The following METTL16 variants were observed in gnomAD, a reference collection of about 807,000 sequenced individuals.
METTL16 encodes the protein methyltransferase 16, RNA N6-adenosine, also known as RNA N(6)-adenosine-methyltransferase METTL16.
A neutral mutation model predicts 57.9 loss-of-function variants in METTL16; 19 were observed. The ratio of observed to expected loss-of-function variants is 0.33; its 90% CI spans 0.23 to 0.48. The LOEUF is 0.48. Ranked by LOEUF, METTL16 falls within the 20% of genes least tolerant of loss-of-function variation. The pLI is 0.99. For synonymous variants in METTL16, 246 were observed against 255.6 expected (o/e 0.96, Z 0.36); for missense variants, 434 against 691.5 (o/e 0.63, Z 4.18).
intron 8 of METTL16, among the ~76,000 whole-genome samples, chr17:2,423,995 T>C (rs186429533): frequency 6.0e-4 from 91 of 152,336 alleles, no homozygotes; most frequent in African/African-American, 2.0e-3. Context: ...CTCTCAAATA[T>C]GGCTCCTTCA....
At chr17:2,485,272 A>G (rs972322221) in intron 2 of METTL16, among the ~76,000 whole-genome samples, 1 of 152,160 alleles carries the variant, frequency 6.6e-6, no homozygotes, top group South Asian at 2.1e-4. Flanking sequence ...TCACCCCCAT[A>G]TGGGACCGTC....
chr17:2,463,763 A>C (rs2151563230), intron 6 of METTL16, among the ~76,000 whole-genome samples: 1 of 151,906 alleles, frequency 6.6e-6, no homozygotes, highest in East Asian at 1.9e-4. Flanking sequence ...CCCAGCCTGC[A>C]ATCTTTATCT....
intron 6 of METTL16, among the ~76,000 whole-genome samples, chr17:2,447,309 G>T (rs1010455230): frequency 5.6e-5 from 8 of 141,980 alleles, no homozygotes; most frequent in Middle Eastern, 3.6e-3. Context: ...CTGCCCGGCC[G>T]CCCCGTCTGA....
intron 1 of METTL16, among the ~76,000 whole-genome samples, chr17:2,507,548 G>A (rs1209310917): frequency 2.0e-5 from 3 of 151,432 alleles, no homozygotes; most frequent in Non-Finnish European, 4.4e-5. Context: ...TCCGGGAGGT[G>A]AGGGGCGCCT....
At chr17:2,487,690 A>C (rs1263207709) in intron 2 of METTL16, among the ~76,000 whole-genome samples, 4 of 152,072 alleles carry the variant, frequency 2.6e-5, no homozygotes, top group Admixed American at 2.6e-4. Context: ...AGAGTTAGAA[A>C]CCACTGTGGA....
In METTL16 at chr17:2,500,892, G is replaced by A. The variant is rs111539253; in HGVS notation, c.128+1312C>T. Among the ~76,000 whole-genome samples, 904 of 152,156 alleles carry A rather than the reference G, an allele frequency of 5.9e-3. 6 individuals are homozygous for A. Among genetic ancestry groups the A allele is most frequent in the African/African-American group, 0.02 (851 of 41,514 alleles). ...AGCACTTTGGGAAGCCAAGGCGGGCGGATCACCTGAGGCCAGGAGTTCAAG... is the reference window on the plus strand; with the variant it reads ...AGCACTTTGGGAAGCCAAGGCGGGCAGATCACCTGAGGCCAGGAGTTCAAG... On this transcript the variant is annotated intron_variant, in intron 2 of 9. Coordinates refer to ENST00000263092, the MANE Select transcript of METTL16 (RefSeq NM_024086.4).
At chr17:2,442,953 A>T (rs1421166590) in intron 6 of METTL16, among the ~76,000 whole-genome samples, 5 of 147,214 alleles carry the variant, frequency 3.4e-5, no homozygotes, top group Non-Finnish European at 6.0e-5. Context: ...TCAGCCTCGC[A>T]AGTAGCTGGG....
intron 2 of METTL16, among the ~76,000 whole-genome samples, chr17:2,497,757 T>C (rs113586893): frequency 0.028 from 4,184 of 151,520 alleles, 209 homozygotes; most frequent in African/African-American, 0.07. Flanking sequence ...AACAAGGTCT[T>C]GCTCTGTTGC....
At chr17:2,483,584 A>G (rs1040876042) in intron 2 of METTL16, among the ~76,000 whole-genome samples, 1 of 152,224 alleles carries the variant, frequency 6.6e-6, no homozygotes, top group Non-Finnish European at 1.5e-5. Context: ...GGGTTAATCC[A>G]GGGGCAACAA....
At chr17:2,448,747 A>T (rs1249162031) in intron 6 of METTL16, among the ~76,000 whole-genome samples, 39 of 121,516 alleles carry the variant, frequency 3.2e-4, no homozygotes, top group East Asian at 2.2e-3. Context: ...CAATAAAAAA[A>T]AAAATAAAAT....
rs539350991 is a variant in METTL16, at chr17:2,506,478, G to T, written c.1-4147C>A. On this transcript the variant is annotated intron_variant, in intron 1 of 9. Coordinates refer to ENST00000263092, the MANE Select transcript of METTL16 (RefSeq NM_024086.4). ...TTTTCGTATTTTTTTGGTGGAGACG[G>T]GGTTTCGCTGTGTTGGCCGGGCTGG... 1.1e-3 allele frequency among the ~76,000 whole-genome samples: 172 copies of T among 151,532 alleles called. 2 individuals are homozygous for T. Among genetic ancestry groups the T allele is most frequent in the African/African-American group, 3.9e-3 (161 of 41,368 alleles).
intron 2 of METTL16, among the ~76,000 whole-genome samples, chr17:2,492,172 C>G (rs574078040): frequency 3.6e-4 from 55 of 152,190 alleles, no homozygotes; most frequent in African/African-American, 1.3e-3. Context: ...GATTGCGCCA[C>G]TGCACTCCAG....
At chr17:2,492,069 G>C (rs1210210098) in intron 2 of METTL16, among the ~76,000 whole-genome samples, 1 of 151,116 alleles carries the variant, frequency 6.6e-6, no homozygotes, top group Non-Finnish European at 1.5e-5. Flanking sequence ...AAATTAGCCG[G>C]GCGTGGTGGC....
Position 2,464,328 on chromosome 17 carries a change from C to T in METTL16, c.608G>A (p.Arg203Gln). 2 of 1,605,880 alleles carry T rather than the reference C, an allele frequency of 1.2e-6. No homozygotes were observed. The highest frequency in any genetic ancestry group is 1.7e-6 in the Non-Finnish European group (2 of 1,177,754). ...ATTAACAGAACTAGGCGGAGGTCTT[C>T]GAGGATTTCGTGAGTTTACTCCCTG... ...EAKGVNSRNP[R>Q]RPPPSSVNTG... Residue 203 changes from arginine to glutamine, a missense_variant, in exon 6 of 10, where the codon CGA becomes CAA. Arg to Gln is a conservative substitution (Grantham distance 43, BLOSUM62 1). This residue lies in a region of METTL16 where 118 missense variants were observed against 280.0 expected (regional missense o/e 0.42). Coordinates refer to ENST00000263092, the MANE Select transcript of METTL16 (RefSeq NM_024086.4).
chr17:2,491,305 C>T (rs1394816982), intron 2 of METTL16, among the ~76,000 whole-genome samples: 1 of 152,216 alleles, frequency 6.6e-6, no homozygotes, highest in Non-Finnish European at 1.5e-5. Context: ...AGGCTCATGG[C>T]CGATTTCCCC....
rs2066722179 is a variant in METTL16, at chr17:2,417,048, T to A, written c.*2922A>T. ...GGCTCCAGACTGAAAGCTGGCCTGC[T>A]CATGGGTTCCTTTTTTTTTTTTTTT... On this transcript the variant is annotated 3_prime_UTR_variant, in exon 10 of 10. Coordinates refer to ENST00000263092, the MANE Select transcript of METTL16 (RefSeq NM_024086.4). The A allele has an allele frequency of 7.0e-6, 1 of 143,528 alleles. No homozygotes were observed. Among genetic ancestry groups the A allele is most frequent in the South Asian group, 2.3e-4 (1 of 4,352 alleles). 8.9% of individuals were successfully genotyped at this position (143,528 alleles called of 1,614,324 possible). A position where few individuals can be genotyped will look rare whatever the true frequency, so the allele number is the denominator to read the frequency against.
rs1230428571 is a variant in METTL16 at position 2,420,462 on chromosome 17, A to C, written c.1197T>G (p.Pro399=). 1.2e-6 allele frequency: 2 copies of C among 1,613,904 alleles called. No homozygotes were observed. The highest frequency in any genetic ancestry group is 1.7e-6 in the Non-Finnish European group (2 of 1,179,974). ...CTTCCAAGGCCTGAATGACGTCCTCAGGAGCTCGGGGAACTTCTCTCAGCT... is the reference window on the plus strand; with the variant it reads ...CTTCCAAGGCCTGAATGACGTCCTCCGGAGCTCGGGGAACTTCTCTCAGCT... The part of the protein sequence containing the change: ...VRQLREVPRA[P]EDVIQALEEK... The change falls in exon 10 of 10, where the codon CCT becomes CCG. Residue 399 remains proline, a synonymous_variant. Coordinates refer to ENST00000263092, the MANE Select transcript of METTL16 (RefSeq NM_024086.4). This position sits in a 1 kb window ranked among gnomAD's most constrained non-coding sequence, Gnocchi z 5.4.
chr17:2,447,738 A>C (rs1231226439), intron 6 of METTL16, among the ~76,000 whole-genome samples: 823 of 49,608 alleles, frequency 0.017, no homozygotes, highest in East Asian at 0.032. Flanking sequence ...CCAGCCGCCC[A>C]GTCCGGGAGG....
chr17:2,507,608 C>T (rs1296304047), intron 1 of METTL16, among the ~76,000 whole-genome samples: 1 of 152,196 alleles, frequency 6.6e-6, no homozygotes, highest in African/African-American at 2.4e-5. Context: ...GCCCGGCCAC[C>T]ACCCCGTCTG....
Sources: gnomAD v4.1 joint callset for allele counts (sites outside exome capture counted in the v4.1 genomes callset) on GRCh38, gnomAD v4.1.1 for gene constraint, gnomAD v4.1.1 regional missense constraint, Gnocchi (gnomAD v3.1) non-coding constraint, MANE v1.5 for transcripts, NCBI Gene and HGNC (gene_info 2026-07-23, HGNC 2026-07-21) for gene names.